Variants in PCDHA12 observed in about 807,000 individuals in gnomAD.
The protein encoded by PCDHA12 is protocadherin alpha 12.
PCDHA12 carries 44 observed loss-of-function variants against 60.0 expected under a neutral mutation model. The observed-to-expected ratio is 0.73, with a 90% CI of 0.58 to 0.94. The LOEUF is 0.94. Among genes scored for constraint, PCDHA12 ranks in the 40% least tolerant of loss-of-function variants. PCDHA12 has a pLI of 0.00. For synonymous variants in PCDHA12, 569 were observed against 553.0 expected (o/e 1.03, Z -0.40); for missense variants, 1,276 against 1,239.7 (o/e 1.03, Z -0.44).
rs782065777 is a variant in PCDHA12, at chr5:140,876,365, A to G, written c.893A>G (p.Asp298Gly). ...SEKCMFSINP[D>G]TGEIRIYGEL... is the part of the protein sequence containing the mutation. Reference sequence around the variant, plus strand: ...AAATGTATGTTTTCAATAAATCCAGACACAGGTGAAATTAGAATTTATGGT... The same window carrying G: ...AAATGTATGTTTTCAATAAATCCAGGCACAGGTGAAATTAGAATTTATGGT... The change falls in exon 1 of 4, where the codon GAC becomes GGC. Residue 298 changes from aspartate (D) to glycine (G), a missense_variant. Coordinates refer to ENST00000398631, the MANE Select transcript of PCDHA12 (RefSeq NM_018903.4). 60 of 1,613,862 alleles carry G rather than the reference A, an allele frequency of 3.7e-5. 2 individuals carry two copies. In the South Asian group the frequency reaches 6.5e-4, roughly 17 times the overall value.
intron 3 of PCDHA12, among the ~76,000 whole-genome samples, chr5:141,001,096 A>T (rs919555319): frequency 1.3e-5 from 2 of 152,130 alleles, no homozygotes; most frequent in Admixed American, 1.3e-4. Flanking sequence ...AAACTGTCTA[A>T]TCCATAATAA....
rs75040653 is a variant in PCDHA12 at position 140,982,339 on chromosome 5, T to G, written c.2427-136T>G. ...TGCAGGGTGACTGCTCAGCAGTAAT[T>G]GCTTCAGTTCAAGCATGAGCAGAAT... On this transcript the variant is annotated intron_variant, in intron 2 of 3. Transcript: ENST00000398631. The G allele has an allele frequency of 3.1e-3, 4,547 of 1,456,350 alleles. 58 individuals carry two copies. The East Asian group carries it at 0.042, about 14-fold the overall frequency. The allele number at this position is 1,456,350 out of a possible 1,614,324, so 90.2% of individuals were successfully genotyped here.
intron 1 of PCDHA12, chr5:140,966,972 T>A (rs1554229007): frequency 6.2e-7 from 1 of 1,602,946 alleles, no homozygotes; most frequent in Non-Finnish European, 8.5e-7. Flanking sequence ...GGGCTTGAGC[T>A]GCGGCGCTTG....
intron 1 of PCDHA12, among the ~76,000 whole-genome samples, chr5:140,921,561 T>C (rs373696344): frequency 6.6e-6 from 1 of 152,194 alleles, no homozygotes; most frequent in South Asian, 2.1e-4. Context: ...AGCTCTATTA[T>C]GTTATAGTAG....
chr5:140,972,660 ATTTTTTTTT>A (rs11350929), intron 1 of PCDHA12, among the ~76,000 whole-genome samples: 1 of 117,268 alleles, frequency 8.5e-6, no homozygotes, highest in Non-Finnish European at 1.7e-5. Flanking sequence ...AAGAAACCAA[ATTTTTTTTT>A]TTTTTTTTTT....
intron 1 of PCDHA12, chr5:140,882,412 C>A: frequency 6.2e-7 from 1 of 1,614,138 alleles, no homozygotes; most frequent in Non-Finnish European, 8.5e-7. Context: ...TGGGCCGCAT[C>A]GCTCAGGACC....
chr5:140,932,203 T>C (rs1415160763), intron 1 of PCDHA12, among the ~76,000 whole-genome samples: 1 of 151,924 alleles, frequency 6.6e-6, no homozygotes, highest in Non-Finnish European at 1.5e-5. Context: ...TCTGTTAATA[T>C]TCTTGATGGG....
intron 1 of PCDHA12, chr5:140,929,284 A>G: frequency 6.2e-7 from 1 of 1,600,764 alleles, no homozygotes; most frequent in Non-Finnish European, 8.5e-7. Flanking sequence ...CTGTATTCAG[A>G]TTCGGAATAG....
intron 1 of PCDHA12, among the ~76,000 whole-genome samples, chr5:140,910,284 A>G (rs2153514340): frequency 6.6e-6 from 1 of 152,292 alleles, no homozygotes; most frequent in East Asian, 1.9e-4. Context: ...GAACACCATG[A>G]TTAATCAACA....
chr5:140,903,760 C>T (rs1252310927), intron 1 of PCDHA12, among the ~76,000 whole-genome samples: 2 of 152,108 alleles, frequency 1.3e-5, no homozygotes, highest in Non-Finnish European at 2.9e-5. Flanking sequence ...TTGATTTTTG[C>T]TGAACTTTTC....
chr5:141,005,463 G>A (rs2098214977), intron 3 of PCDHA12, among the ~76,000 whole-genome samples: 1 of 151,944 alleles, frequency 6.6e-6, no homozygotes. Context: ...CAGCACTTTG[G>A]GAGGCCGAGA....
intron 1 of PCDHA12, chr5:140,927,041 T>G (rs1242687827): frequency 9.9e-6 from 16 of 1,612,338 alleles, no homozygotes; most frequent in Non-Finnish European, 1.0e-5. Context: ...GCGGCCGCTA[T>G]GTCCTCGCGG....
intron 3 of PCDHA12, among the ~76,000 whole-genome samples, chr5:140,997,683 T>C (rs782444752): frequency 6.6e-6 from 1 of 152,044 alleles, no homozygotes; most frequent in Non-Finnish European, 1.5e-5. Context: ...TGTGTGTGTG[T>C]GTGTGTGTGT....
chr5:140,969,549 C>G (rs1213967618), intron 1 of PCDHA12: 33 of 1,238,058 alleles, frequency 2.7e-5, no homozygotes, highest in Non-Finnish European at 3.4e-5. Flanking sequence ...AGGCATGAAG[C>G]CTTGTCCATA....
chr5:140,936,000 C>G (rs370629183), intron 1 of PCDHA12, among the ~76,000 whole-genome samples: 1 of 150,536 alleles, frequency 6.6e-6, no homozygotes, highest in African/African-American at 2.4e-5. Flanking sequence ...TCAAGCGATT[C>G]TCCCACCTCA....
chr5:140,989,538 T>G (rs1254500205), intron 3 of PCDHA12, among the ~76,000 whole-genome samples: 3 of 152,180 alleles, frequency 2.0e-5, no homozygotes, highest in Non-Finnish European at 4.4e-5. Flanking sequence ...GAAGATAGTT[T>G]GTAATTCCTT....
In PCDHA12 at chr5:140,966,984, G is replaced by A. The variant is rs1217682338; in HGVS notation, c.2368-11965G>A. 4.4e-6 allele frequency: 7 copies of A among 1,603,802 alleles called. No individual in the cohort carries two copies. In the Admixed American group the frequency reaches 5.0e-5, roughly 11 times the overall value. Reference sequence around the variant, plus strand: ...CTGGGGCTTGAGCTGCGGCGCTTGGGGCCGGGTTGCTTGCGCATCAACCAT... The same window carrying A: ...CTGGGGCTTGAGCTGCGGCGCTTGGAGCCGGGTTGCTTGCGCATCAACCAT... On this transcript the variant is annotated intron_variant, in intron 1 of 3. Transcript: ENST00000398631.
chr5:140,924,668 GC>G (rs2081945881), intron 1 of PCDHA12, among the ~76,000 whole-genome samples: 1 of 152,142 alleles, frequency 6.6e-6, no homozygotes, highest in Admixed American at 6.5e-5. Context: ...GCCGAGGCAG[GC>G]CAATCACTTG....
In PCDHA12 at chr5:140,875,958, C is replaced by G. The variant is rs1312300687; in HGVS notation, c.486C>G (p.Ile162Met). Residue 162 changes from isoleucine (I) to methionine (M), a missense_variant, in exon 1 of 4, where the codon ATC (isoleucine) becomes ATG (methionine). Physicochemically the swap from Ile to Met is conservative, Grantham distance 10 (BLOSUM62 1). Coordinates refer to ENST00000398631, the MANE Select transcript of PCDHA12 (RefSeq NM_018903.4). ...FPLEGASDAD[I>M]GVNSLLTYAL... ...TAGAGGGCGCTTCTGATGCGGATATCGGCGTAAACTCTCTTTTGACCTATG... is the reference window on the plus strand; with the variant it reads ...TAGAGGGCGCTTCTGATGCGGATATGGGCGTAAACTCTCTTTTGACCTATG... 4 of 1,614,080 alleles carry G rather than the reference C, an allele frequency of 2.5e-6. No individual in the cohort carries two copies. Among genetic ancestry groups the G allele is most frequent in the Non-Finnish European group, 3.4e-6 (4 of 1,179,980 alleles).
Sources: gnomAD v4.1 joint callset for allele counts (sites outside exome capture counted in the v4.1 genomes callset) on GRCh38, gnomAD v4.1.1 for gene constraint, MANE v1.5 for transcripts, NCBI Gene and HGNC (gene_info 2026-07-23, HGNC 2026-07-21) for gene names.